The following GBF1 variants were observed in gnomAD, a reference collection of about 807,000 sequenced individuals.
GBF1 encodes golgi brefeldin A resistant guanine nucleotide exchange factor 1.
A neutral mutation model predicts 210.5 loss-of-function variants in GBF1; 114 were observed. The ratio of observed to expected loss-of-function variants is 0.54; its 90% CI spans 0.47 to 0.63. The LOEUF (loss-of-function observed/expected upper bound fraction) is 0.63. Among genes scored for constraint, GBF1 ranks in the 30% least tolerant of loss-of-function variants. The pLI is 0.00. For missense variants in GBF1, 1,851 were observed against 2,357.7 expected (o/e 0.79, Z 4.45); for synonymous variants, 850 against 889.2 (o/e 0.96, Z 0.78).
intron 11 of GBF1, 39 bp from the exon 12 acceptor site, chr10:102,360,145 G>T (rs1331480749): frequency 7.6e-7 from 1 of 1,310,350 alleles, no homozygotes; most frequent in Admixed American, 1.7e-5. Flanking sequence ...CAGACTAGTT[G>T]TTTTATAGCA....
chr10:102,344,723 G>T (rs2058420650), intron 4 of GBF1, among the ~76,000 whole-genome samples: 1 of 152,020 alleles, frequency 6.6e-6, no homozygotes, highest in Admixed American at 6.6e-5. Flanking sequence ...CTCATGATCT[G>T]CCCGCCTTGG....
intron 29 of GBF1, among the ~76,000 whole-genome samples, chr10:102,371,424 A>T (rs2060198403): frequency 6.6e-6 from 1 of 152,236 alleles, no homozygotes; most frequent in Non-Finnish European, 1.5e-5. Flanking sequence ...AAATTGAAGA[A>T]GATGTAAATA....
intron 3 of GBF1, among the ~76,000 whole-genome samples, chr10:102,269,727 G>A (rs2133264012): frequency 6.6e-6 from 1 of 152,208 alleles, no homozygotes; most frequent in South Asian, 2.1e-4. Context: ...ATGAGTTTTT[G>A]CATTTAAGAA....
chr10:102,340,336 G>A (rs907998723), intron 3 of GBF1, among the ~76,000 whole-genome samples: 3 of 142,138 alleles, frequency 2.1e-5, no homozygotes, highest in African/African-American at 5.3e-5. Flanking sequence ...GCAGTGGCAC[G>A]ATCTCCGCTC....
At chr10:102,365,347 T>G in intron 17 of GBF1, 50 bp from the exon 18 acceptor site, 1 of 1,456,420 alleles carries the variant, frequency 6.9e-7, no homozygotes, top group Non-Finnish European at 9.6e-7. Context: ...GCTGGCCTTG[T>G]CTAATTTAGA....
intron 3 of GBF1, among the ~76,000 whole-genome samples, chr10:102,283,539 G>A: frequency 6.6e-6 from 1 of 152,200 alleles, no homozygotes; most frequent in East Asian, 1.9e-4. Flanking sequence ...GGTGACTGAG[G>A]CCTTCTGCTA....
At chr10:102,252,988 G>A (rs2071784475) in intron 1 of GBF1, among the ~76,000 whole-genome samples, 1 of 152,182 alleles carries the variant, frequency 6.6e-6, no homozygotes, top group South Asian at 2.1e-4. Flanking sequence ...TCCACCTCCT[G>A]GGTTCAAGCA....
intron 20 of GBF1, 133 bp downstream of exon 20, chr10:102,367,343 G>A: frequency 8.5e-7 from 1 of 1,177,444 alleles, no homozygotes; most frequent in African/African-American, 1.5e-5. Context: ...GGCCAACCTA[G>A]AAAAGGGACT....
intron 1 of GBF1, among the ~76,000 whole-genome samples, chr10:102,247,504 A>T (rs542161067): frequency 6.6e-6 from 1 of 152,182 alleles, no homozygotes; most frequent in African/African-American, 2.4e-5. Context: ...CACTTGGGCC[A>T]TTGCCCTGTT....
chr10:102,294,230 T>C (rs917695331), intron 3 of GBF1, among the ~76,000 whole-genome samples: 10 of 152,158 alleles, frequency 6.6e-5, no homozygotes, highest in African/African-American at 2.2e-4. Flanking sequence ...CTAAGCATAG[T>C]GTTTATAAAG....
In GBF1 at chr10:102,348,349, A is replaced by G. The variant is rs1018863375; in HGVS notation, c.296-2907A>G. ...CCATTAATGGAGTCTCTCTGAATCT[A>G]TTCTGGTTGGGGGATGGAAGGAGTG... On this transcript the variant is annotated intron_variant, in intron 4 of 39. Coordinates refer to ENST00000369983, the MANE Select transcript of GBF1 (RefSeq NM_001377137.1). Among the ~76,000 whole-genome samples the G allele has an allele frequency of 9.9e-5, 15 of 152,220 alleles. No individual in the cohort carries two copies. The East Asian group carries it at 1.5e-3, about 16-fold the overall frequency.
At chr10:102,309,961 A>G (rs747968103) in intron 3 of GBF1, among the ~76,000 whole-genome samples, 3 of 152,200 alleles carry the variant, frequency 2.0e-5, no homozygotes, top group Non-Finnish European at 4.4e-5. Context: ...TTTCATTTGT[A>G]TAATTTAGGG....
intron 3 of GBF1, among the ~76,000 whole-genome samples, chr10:102,320,400 T>C (rs891630952): frequency 6.6e-6 from 1 of 152,182 alleles, no homozygotes; most frequent in Non-Finnish European, 1.5e-5. Context: ...GCTAGGTTCT[T>C]AGTAAGGGTC....
intron 3 of GBF1, among the ~76,000 whole-genome samples, chr10:102,263,683 A>G (rs560534999): frequency 6.6e-6 from 1 of 152,342 alleles, no homozygotes; most frequent in Admixed American, 6.5e-5. Context: ...AGTCCATACT[A>G]GTTTTTCTCA....
intron 3 of GBF1, among the ~76,000 whole-genome samples, chr10:102,265,589 G>A (rs112892071): frequency 2.0e-3 from 299 of 152,220 alleles, no homozygotes; most frequent in African/African-American, 6.8e-3. Flanking sequence ...TTAGGCTGAG[G>A]CGAGAGGATC....
At chr10:102,255,922 G>C (rs1288105726) in intron 1 of GBF1, among the ~76,000 whole-genome samples, 1 of 152,194 alleles carries the variant, frequency 6.6e-6, no homozygotes, top group Non-Finnish European at 1.5e-5. Context: ...CTTGTGGACT[G>C]GGGAGCTGTC....
At chr10:102,261,523 T>C (rs2073213085) in intron 3 of GBF1, among the ~76,000 whole-genome samples, 1 of 152,038 alleles carries the variant, frequency 6.6e-6, no homozygotes, top group African/African-American at 2.4e-5. Context: ...ATTAGAAATA[T>C]GGGAGAAGAT....
At chr10:102,248,343 A>G (rs990402464) in intron 1 of GBF1, among the ~76,000 whole-genome samples, 2 of 152,140 alleles carry the variant, frequency 1.3e-5, no homozygotes, top group African/African-American at 4.8e-5. Flanking sequence ...AATATAATAA[A>G]GCAGTGTGCT....
rs532748744 is a variant in GBF1, at chr10:102,266,064, C to T, written c.163+5948C>T. 8.5e-5 allele frequency among the ~76,000 whole-genome samples: 13 copies of T among 152,080 alleles called. No homozygotes were observed. In the East Asian group the frequency reaches 2.5e-3, roughly 29 times the overall value. On this transcript the variant is annotated intron_variant, in intron 3 of 39. Transcript: ENST00000369983. Reference sequence around the variant, plus strand: ...CATCCTGGCGAACACGGTGAAACCCCGTCTCTACTAAAAAAATACAAAAAA... The same window carrying T: ...CATCCTGGCGAACACGGTGAAACCCTGTCTCTACTAAAAAAATACAAAAAA...
Sources: allele counts gnomAD v4.1 joint callset (sites outside exome capture counted in the v4.1 genomes callset), GRCh38; gene constraint gnomAD v4.1.1; transcripts MANE v1.5; gene names NCBI Gene and HGNC (gene_info 2026-07-23, HGNC 2026-07-21).